Variants in PRKG1 observed in about 807,000 individuals in gnomAD.
PRKG1 encodes protein kinase cGMP-dependent 1.
Under a neutral mutation model 88.1 loss-of-function variants are expected in PRKG1, and 35 were observed. That is an observed-to-expected ratio of 0.40 (90% confidence interval 0.30 to 0.53). The LOEUF is 0.53. Among genes scored for constraint, PRKG1 ranks in the 20% least tolerant of loss-of-function variants. The pLI is 0.59. For missense variants in PRKG1, 540 were observed against 839.8 expected, an observed-to-expected ratio of 0.64 and a Z score of 4.41; for synonymous variants, 303 against 292.5, an observed-to-expected ratio of 1.04 and a Z score of -0.37.
intron 4 of PRKG1, among the ~76,000 whole-genome samples, chr10:51,889,932 G>A (rs1841674984): frequency 1.3e-5 from 2 of 152,076 alleles, no homozygotes; most frequent in Admixed American, 6.6e-5. Flanking sequence ...AAGTTTGTTT[G>A]AGTTCTTTGT....
intron 2 of PRKG1, among the ~76,000 whole-genome samples, chr10:51,237,013 G>A (rs1799930449): frequency 6.6e-6 from 1 of 152,160 alleles, no homozygotes; most frequent in South Asian, 2.1e-4. Context: ...GCTCAGGACT[G>A]TTCTGGTTCA....
chr10:51,458,963 T>C (rs921798168), intron 2 of PRKG1, among the ~76,000 whole-genome samples: 2 of 152,186 alleles, frequency 1.3e-5, no homozygotes, highest in Non-Finnish European at 2.9e-5. Flanking sequence ...AGAATGACTC[T>C]ATTCACTTTC....
intron 3 of PRKG1, among the ~76,000 whole-genome samples, chr10:51,693,537 G>A (rs1399519648): frequency 6.6e-6 from 1 of 151,950 alleles, no homozygotes; most frequent in Non-Finnish European, 1.5e-5. Context: ...AAGTAGCTGG[G>A]ATTACTGGGG....
intron 1 of PRKG1, among the ~76,000 whole-genome samples, chr10:51,129,319 T>C (rs1845507107): frequency 6.6e-6 from 1 of 151,814 alleles, no homozygotes; most frequent in African/African-American, 2.4e-5. Flanking sequence ...CTACTAAAAC[T>C]ATGTAATCCC....
intron 9 of PRKG1, among the ~76,000 whole-genome samples, chr10:52,249,273 C>G (rs1277443519): frequency 6.6e-6 from 1 of 151,402 alleles, no homozygotes; most frequent in Non-Finnish European, 1.5e-5. Flanking sequence ...AGCTACTTAT[C>G]TCCTGGGCCA....
At chr10:51,992,398 A>C (rs1844335573) in intron 5 of PRKG1, among the ~76,000 whole-genome samples, 1 of 152,078 alleles carries the variant, frequency 6.6e-6, no homozygotes, top group Non-Finnish European at 1.5e-5. Flanking sequence ...AAAATCTTTA[A>C]TGTATTGTAA....
At chr10:51,817,811 T>C (rs531644914) in intron 4 of PRKG1, among the ~76,000 whole-genome samples, 2 of 152,212 alleles carry the variant, frequency 1.3e-5, no homozygotes, top group Non-Finnish European at 2.9e-5. Flanking sequence ...ATGAATATTA[T>C]TCTAAATGAC....
At chr10:51,377,578 ATG>A (rs1451543550) in intron 2 of PRKG1, among the ~76,000 whole-genome samples, 1 of 151,938 alleles carries the variant, frequency 6.6e-6, no homozygotes. Context: ...ATATCTGGTT[ATG>A]TGTGTTTATC....
At chr10:51,674,076 A>T (rs1840648837) in intron 3 of PRKG1, among the ~76,000 whole-genome samples, 2 of 152,210 alleles carry the variant, frequency 1.3e-5, no homozygotes, top group African/African-American at 4.8e-5. Context: ...CTTTCTACTT[A>T]GTTCAACCTG....
intron 9 of PRKG1, among the ~76,000 whole-genome samples, chr10:52,220,460 T>C (rs1242536214): frequency 2.6e-5 from 4 of 152,070 alleles, no homozygotes; most frequent in East Asian, 1.9e-4. Flanking sequence ...TGCAGATTTG[T>C]ATATAGGTAA....
intron 2 of PRKG1, among the ~76,000 whole-genome samples, chr10:51,183,933 T>G (rs144278418): frequency 6.6e-6 from 1 of 152,302 alleles, no homozygotes; most frequent in Non-Finnish European, 1.5e-5. Context: ...CAATCAGTCT[T>G]AGCAGTCTTC....
intron 2 of PRKG1, among the ~76,000 whole-genome samples, chr10:51,392,969 C>T (rs1471835690): frequency 2.0e-5 from 3 of 147,854 alleles, no homozygotes; most frequent in African/African-American, 7.7e-5. Context: ...TGACCCCCCA[C>T]CTCCCTCCCG....
intron 5 of PRKG1, among the ~76,000 whole-genome samples, chr10:52,024,327 T>TTTTTTA (rs1554793244): frequency 1.3e-5 from 2 of 149,126 alleles, no homozygotes; most frequent in Admixed American, 1.3e-4. Flanking sequence ...CTTTTTTTTT[T>TTTTTTA]ATTCTTTTTT....
rs569283898 is a variant in PRKG1 at position 51,052,987 on chromosome 10, T to G, written c.266+61343T>G. ...GCTCATGCCTGTAATCTCAGCACTT[T>G]GGGAGGTCAAAGTGGGTTGATCACC... is the stretch of plus-strand genomic sequence containing the variant. On this transcript the variant is annotated intron_variant, in intron 1 of 17. Transcript: ENST00000401604. 3.9e-5 allele frequency among the ~76,000 whole-genome samples: 6 copies of G among 152,324 alleles called. No homozygotes were observed. The East Asian group carries it at 1.2e-3, about 29-fold the overall frequency.
At chr10:50,996,030 A>T (rs1842833562) in intron 1 of PRKG1, among the ~76,000 whole-genome samples, 1 of 152,218 alleles carries the variant, frequency 6.6e-6, no homozygotes, top group Non-Finnish European at 1.5e-5. Context: ...AGGTCAATGA[A>T]GTGAGTAGGT....
intron 5 of PRKG1, among the ~76,000 whole-genome samples, chr10:51,978,547 TGGGC>T (rs1328848827): frequency 6.6e-6 from 1 of 152,012 alleles, no homozygotes; most frequent in Non-Finnish European, 1.5e-5. Flanking sequence ...TAAATTGCTT[TGGGC>T]AGTGTGGCCA....
At chr10:51,973,048 G>C (rs1441706943) in intron 5 of PRKG1, among the ~76,000 whole-genome samples, 1 of 152,138 alleles carries the variant, frequency 6.6e-6, no homozygotes, top group Non-Finnish European at 1.5e-5. Flanking sequence ...ACATGAGGCA[G>C]CGGCACTTTG....
chr10:52,111,979 T>C (rs756167418), intron 7 of PRKG1, among the ~76,000 whole-genome samples: 1 of 152,196 alleles, frequency 6.6e-6, no homozygotes, highest in Non-Finnish European at 1.5e-5. Context: ...ATCACAGCCT[T>C]CTATTCTCTG....
chr10:51,022,381 A>G (rs1843150578), intron 1 of PRKG1, among the ~76,000 whole-genome samples: 1 of 152,166 alleles, frequency 6.6e-6, no homozygotes, highest in Admixed American at 6.5e-5. Context: ...TCTTCAGGGC[A>G]CTGTTGCTCA....
Sources: gnomAD v4.1 joint callset for allele counts (sites outside exome capture counted in the v4.1 genomes callset) on GRCh38, gnomAD v4.1.1 for gene constraint, MANE v1.5 for transcripts, NCBI Gene and HGNC (gene_info 2026-07-23, HGNC 2026-07-21) for gene names.